Variants in SAMD12 observed in about 807,000 individuals in gnomAD.
SAMD12 encodes the protein sterile alpha motif domain-containing protein 12.
In SAMD12, 9 loss-of-function variants were observed where a neutral mutation model predicts 15.0. The ratio of observed to expected loss-of-function variants is 0.60; its 90% CI spans 0.36 to 1.05. The LOEUF is 1.05. SAMD12 is among the 50% of genes least tolerant of loss of function. The pLI, the probability that SAMD12 is intolerant of heterozygous loss-of-function variation, is 0.01. For synonymous variants in SAMD12, 86 were observed against 90.1 expected (o/e 0.96, Z 0.25); for missense variants, 230 against 234.2 (o/e 0.98, Z 0.12).
At chr8:118,530,617 T>C (rs116373485) in intron 2 of SAMD12, among the ~76,000 whole-genome samples, 411 of 152,346 alleles carry the variant, frequency 2.7e-3, no homozygotes, top group African/African-American at 9.3e-3. Context: ...GTCATATGCA[T>C]ACTTTGCAAG....
chr8:118,339,504 T>C (rs560976932), intron 4 of SAMD12, among the ~76,000 whole-genome samples: 3 of 152,292 alleles, frequency 2.0e-5, no homozygotes, highest in Admixed American at 6.5e-5. Context: ...ATATCTCTGT[T>C]AAAAAATCAA....
chr8:118,550,340 C>G (rs1018163294), intron 2 of SAMD12, among the ~76,000 whole-genome samples: 4 of 152,220 alleles, frequency 2.6e-5, no homozygotes, highest in Admixed American at 6.5e-5. Context: ...TCTGCAGAAA[C>G]CCTACAAGCC....
At chr8:118,201,903 G>A (rs1426330423) in intron 4 of SAMD12, among the ~76,000 whole-genome samples, 2 of 152,180 alleles carry the variant, frequency 1.3e-5, no homozygotes, top group Non-Finnish European at 2.9e-5. Context: ...AGAATTCTTG[G>A]AATCAATCAT....
intron 4 of SAMD12, among the ~76,000 whole-genome samples, chr8:118,249,794 T>C (rs1299940141): frequency 6.6e-6 from 1 of 152,158 alleles, no homozygotes; most frequent in East Asian, 1.9e-4. Context: ...AGAGTGATTT[T>C]AGATGCAATG....
chr8:118,149,002 A>T, the SAMD12 span, among the ~76,000 whole-genome samples: 1 of 152,352 alleles, frequency 6.6e-6, no homozygotes, highest in East Asian at 1.9e-4. Flanking sequence ...ATTGCATGCA[A>T]ATCTTTGTGT....
intron 2 of SAMD12, among the ~76,000 whole-genome samples, chr8:118,504,017 C>A (rs1181933918): frequency 1.3e-5 from 2 of 152,130 alleles, no homozygotes; most frequent in African/African-American, 4.8e-5. Flanking sequence ...TAGTAATAGC[C>A]TGTGTCACAT....
intron 3 of SAMD12, among the ~76,000 whole-genome samples, chr8:118,436,420 G>C (rs755239382): frequency 2.0e-5 from 3 of 152,068 alleles, no homozygotes; most frequent in Non-Finnish European, 4.4e-5. Context: ...ATTTGACTCA[G>C]ACCTATGATC....
chr8:118,457,347 T>C (rs1823289546), intron 2 of SAMD12, among the ~76,000 whole-genome samples: 1 of 151,732 alleles, frequency 6.6e-6, no homozygotes, highest in Admixed American at 6.6e-5. Flanking sequence ...CGTCCCACCT[T>C]AGCCTCCTGA....
chr8:118,450,187 G>T (rs12542051), intron 2 of SAMD12, among the ~76,000 whole-genome samples: 1 of 152,118 alleles, frequency 6.6e-6, no homozygotes, highest in Non-Finnish European at 1.5e-5. Flanking sequence ...AGATCTGCTG[G>T]CCCCCAAACA....
chr8:118,472,017 G>A (rs962323949), intron 2 of SAMD12, among the ~76,000 whole-genome samples: 21 of 151,986 alleles, frequency 1.4e-4, no homozygotes, highest in Admixed American at 5.2e-4. Context: ...GCCGGGCGCG[G>A]TGGCTCACGC....
the SAMD12 span, among the ~76,000 whole-genome samples, chr8:118,166,243 C>T: frequency 6.6e-6 from 1 of 152,176 alleles, no homozygotes; most frequent in African/African-American, 2.4e-5. Flanking sequence ...TCAAGATTAT[C>T]AGTGCAACTT....
chr8:118,314,519 G>A (rs556099362), intron 4 of SAMD12, among the ~76,000 whole-genome samples: 91 of 152,210 alleles, frequency 6.0e-4, no homozygotes, highest in African/African-American at 2.1e-3. Context: ...ATTTCCTTGT[G>A]CTATACTTTC....
At chr8:118,559,741 T>A (rs1488852028) in intron 2 of SAMD12, among the ~76,000 whole-genome samples, 1 of 152,114 alleles carries the variant, frequency 6.6e-6, no homozygotes, top group Non-Finnish European at 1.5e-5. Flanking sequence ...GCATAGAAAA[T>A]CTAGTGTGTA....
At chr8:118,172,577 TG>T in the SAMD12 span, among the ~76,000 whole-genome samples, 5 of 152,194 alleles carry the variant, frequency 3.3e-5, no homozygotes, top group Non-Finnish European at 5.9e-5. Context: ...AAGGTACTAT[TG>T]GGTTTTTAAA....
chr8:118,461,504 G>A (rs2130938535), intron 2 of SAMD12, among the ~76,000 whole-genome samples: 1 of 152,246 alleles, frequency 6.6e-6, no homozygotes, highest in Non-Finnish European at 1.5e-5. Context: ...GTTCTTCTCA[G>A]CAGAGGTAGC....
intron 2 of SAMD12, among the ~76,000 whole-genome samples, chr8:118,474,114 C>A (rs924877834): frequency 6.6e-6 from 1 of 151,172 alleles, no homozygotes; most frequent in Admixed American, 6.6e-5. Context: ...ACGCACCACC[C>A]CATGCTCAGC....
At chr8:118,284,392 C>G (rs1813817810) in intron 4 of SAMD12, 1 of 453,576 alleles carries the variant, frequency 2.2e-6, no homozygotes, top group African/African-American at 2.1e-5. Context: ...ATCAGAATAT[C>G]CTGTTTTGAA....
chr8:118,320,672 T>TGGGGGGGGGGGGGG (rs71569763), intron 4 of SAMD12, among the ~76,000 whole-genome samples: 3 of 85,256 alleles, frequency 3.5e-5, no homozygotes, highest in Non-Finnish European at 7.3e-5. Context: ...TGTCGTGGGG[T>TGGGGGGGGGGGGGG]GGGGGGGGTG....
chr8:118,444,346 TC>T (rs904078794), intron 2 of SAMD12, among the ~76,000 whole-genome samples: 3 of 152,162 alleles, frequency 2.0e-5, no homozygotes, highest in Admixed American at 6.5e-5. Context: ...CAGTTTGTTA[TC>T]TTAACCCCTA....
Sources: gnomAD v4.1 joint callset for allele counts (sites outside exome capture counted in the v4.1 genomes callset) on GRCh38, gnomAD v4.1.1 for gene constraint, MANE v1.5 for transcripts, NCBI Gene and HGNC (gene_info 2026-07-23, HGNC 2026-07-21) for gene names.